The following CAST variants were observed in gnomAD, a reference collection of about 807,000 sequenced individuals.
CAST encodes MIR583 host.
In CAST, 76 loss-of-function variants were observed where a neutral mutation model predicts 119.6. That is an observed-to-expected ratio of 0.64 (90% CI 0.53 to 0.77). The LOEUF (loss-of-function observed/expected upper bound fraction) is 0.77, where lower values mean the gene tolerates loss of function less well. Ranked by LOEUF, CAST falls within the 30% of genes least tolerant of loss-of-function variation. The pLI, the probability that CAST is intolerant of heterozygous loss-of-function variation, is 0.00. For missense variants in CAST, 953 were observed against 946.5 expected (o/e 1.01, Z -0.09); for synonymous variants, 319 against 331.6 (o/e 0.96, Z 0.41).
At chr5:96,087,573 TG>T in the CAST span, among the ~76,000 whole-genome samples, 1 of 152,166 alleles carries the variant, frequency 6.6e-6, no homozygotes. Flanking sequence ...GAATACAATA[TG>T]AAGATGAGTG....
chr5:96,265,061 A>G, the CAST span, among the ~76,000 whole-genome samples: 7 of 152,202 alleles, frequency 4.6e-5, no homozygotes, highest in Non-Finnish European at 1.0e-4. Context: ...TTGTCAGGTA[A>G]CAGGATATGT....
intron 1 of CAST, among the ~76,000 whole-genome samples, chr5:96,586,201 C>G (rs900162052): frequency 4.6e-5 from 7 of 152,236 alleles, no homozygotes; most frequent in Admixed American, 4.6e-4. Flanking sequence ...GGTGGTAGCA[C>G]TAGCTCTTTG....
chr5:96,501,482 G>T, the CAST span, among the ~76,000 whole-genome samples: 1 of 152,098 alleles, frequency 6.6e-6, no homozygotes, highest in Non-Finnish European at 1.5e-5. Flanking sequence ...GATAGAAATG[G>T]TAACCATGCA....
At chr5:96,319,807 G>C in the CAST span, among the ~76,000 whole-genome samples, 1 of 152,024 alleles carries the variant, frequency 6.6e-6, no homozygotes, top group Non-Finnish European at 1.5e-5. Context: ...AGTGTCTGCT[G>C]TCCAAGTCAG....
chr5:96,435,124 A>G, the CAST span, among the ~76,000 whole-genome samples: 3 of 152,250 alleles, frequency 2.0e-5, no homozygotes, highest in Non-Finnish European at 4.4e-5. Context: ...GTGCACTAGC[A>G]AGGCAAGAGA....
chr5:96,106,354 G>A, the CAST span, among the ~76,000 whole-genome samples: 3 of 151,994 alleles, frequency 2.0e-5, no homozygotes, highest in Non-Finnish European at 2.9e-5. Context: ...TCTCTTGTGG[G>A]CATTTAGTGC....
the CAST span, among the ~76,000 whole-genome samples, chr5:96,235,657 G>T: frequency 4.6e-5 from 7 of 152,052 alleles, no homozygotes; most frequent in Admixed American, 2.6e-4. Context: ...GCTAATTAAG[G>T]TCAACTATCT....
the CAST span, among the ~76,000 whole-genome samples, chr5:95,997,963 GTTTTTTTTTTTT>G: frequency 1.1e-4 from 10 of 93,614 alleles, no homozygotes; most frequent in Non-Finnish European, 1.4e-4. Flanking sequence ...TTGAGAGAGG[GTTTTTTTTTTTT>G]TTTTTTTTTT....
At chr5:96,770,908 A>G (rs1209004483) in intron 30 of CAST, among the ~76,000 whole-genome samples, 1 of 152,136 alleles carries the variant, frequency 6.6e-6, no homozygotes, top group Non-Finnish European at 1.5e-5. Context: ...ATTTTAGAAC[A>G]TGGAAGTTGG....
chr5:96,352,624 T>C, the CAST span, among the ~76,000 whole-genome samples: 2 of 152,172 alleles, frequency 1.3e-5, no homozygotes, highest in South Asian at 4.1e-4. Context: ...AAAATAAATC[T>C]GCATAAAGGA....
Position 96,647,182 on chromosome 5 carries a change from A to C in CAST, c.61-28357A>C, listed in dbSNP as rs147174637. ...AGGAAACAAAAACCCCAACTCTCCC[A>C]CAGCTCCATTTTCCACACCTGCAGT... On this transcript the variant is annotated intron_variant, in intron 1 of 11. Transcript: ENST00000505143. Among the ~76,000 whole-genome samples the C allele has an allele frequency of 3.5e-4, 53 of 152,290 alleles. No individual in the cohort carries two copies. The East Asian group carries it at 9.6e-3, about 28-fold the overall frequency.
At chr5:96,156,837 T>A in the CAST span, among the ~76,000 whole-genome samples, 2 of 152,172 alleles carry the variant, frequency 1.3e-5, no homozygotes, top group Non-Finnish European at 2.9e-5. Context: ...GCAAAATCCC[T>A]CCAGACCCAG....
At chr5:96,392,821 T>A in the CAST span, 1 of 673,904 alleles carries the variant, frequency 1.5e-6, no homozygotes, top group Non-Finnish European at 2.6e-6. Context: ...ATTCTGGAAG[T>A]TGAACTTCCT....
At chr5:96,024,138 A>G in the CAST span, among the ~76,000 whole-genome samples, 8 of 152,314 alleles carry the variant, frequency 5.3e-5, no homozygotes, top group South Asian at 1.5e-3. Context: ...GTGACTTTTT[A>G]TCAGTCTCCA....
chr5:96,763,017 C>A, intron 25 of CAST: 1 of 686,612 alleles, frequency 1.5e-6, no homozygotes. Flanking sequence ...ACCAAGGAGA[C>A]CACAGCACAT....
the CAST span, among the ~76,000 whole-genome samples, chr5:96,279,232 A>C: frequency 6.6e-6 from 1 of 152,188 alleles, no homozygotes; most frequent in Non-Finnish European, 1.5e-5. Context: ...CTGGATTTCT[A>C]CCATTTGATC....
chr5:96,230,729 A>G, the CAST span, among the ~76,000 whole-genome samples: 1 of 152,168 alleles, frequency 6.6e-6, no homozygotes, highest in African/African-American at 2.4e-5. Flanking sequence ...CTGGGAGACA[A>G]TATTTGTAAA....
the CAST span, among the ~76,000 whole-genome samples, chr5:95,982,737 T>G: frequency 6.6e-6 from 1 of 152,212 alleles, no homozygotes; most frequent in African/African-American, 2.4e-5. Flanking sequence ...TCCCAACATA[T>G]TTTACATTTG....
the CAST span, among the ~76,000 whole-genome samples, chr5:96,325,175 G>A: frequency 6.6e-6 from 1 of 152,108 alleles, no homozygotes; most frequent in Non-Finnish European, 1.5e-5. Context: ...CTCCACTCCA[G>A]ACTGGGTGAC....
Sources: gnomAD v4.1 joint callset for allele counts (sites outside exome capture counted in the v4.1 genomes callset) on GRCh38, gnomAD v4.1.1 for gene constraint, MANE v1.5 for transcripts, NCBI Gene and HGNC (gene_info 2026-07-23, HGNC 2026-07-21) for gene names.